ASTN2: variants seen among roughly 807,000 people sequenced by gnomAD.
The protein encoded by ASTN2 is astrotactin 2.
ASTN2 carries 54 observed loss-of-function variants against 139.8 expected under a neutral mutation model. The ratio of observed to expected loss-of-function variants is 0.39; its 90% CI spans 0.31 to 0.48. The LOEUF (loss-of-function observed/expected upper bound fraction) is 0.48. ASTN2 is among the 20% of genes least tolerant of loss of function. ASTN2 has a pLI of 0.95. For synonymous variants in ASTN2, 756 were observed against 719.5 expected (o/e 1.05, Z -0.81); for missense variants, 1,565 against 1,725.1 (o/e 0.91, Z 1.64).
chr9:116,908,140 T>C (rs1834215711), intron 10 of ASTN2, among the ~76,000 whole-genome samples: 1 of 152,208 alleles, frequency 6.6e-6, no homozygotes, highest in South Asian at 2.1e-4. Flanking sequence ...TGGGTTGTGG[T>C]CCAAATTCTT....
chr9:116,986,688 C>T (rs141138499), intron 7 of ASTN2, among the ~76,000 whole-genome samples: 4 of 152,276 alleles, frequency 2.6e-5, no homozygotes, highest in South Asian at 2.1e-4. Flanking sequence ...ATCTTGCAGA[C>T]GAGCAGACAG....
At chr9:116,945,397 G>C (rs1297658952) in intron 10 of ASTN2, among the ~76,000 whole-genome samples, 25 of 152,146 alleles carry the variant, frequency 1.6e-4, no homozygotes, top group Admixed American at 1.6e-3. Context: ...ATGTCAGGCA[G>C]CCAGTGAGAA....
At chr9:117,059,291 A>G (rs746801209) in intron 5 of ASTN2, among the ~76,000 whole-genome samples, 2 of 152,216 alleles carry the variant, frequency 1.3e-5, no homozygotes, top group Non-Finnish European at 1.5e-5. Context: ...TCAACAGGTC[A>G]TCTTACTGCC....
intron 4 of ASTN2, among the ~76,000 whole-genome samples, chr9:117,107,377 G>T (rs916237376): frequency 2.6e-5 from 4 of 151,958 alleles, no homozygotes; most frequent in African/African-American, 4.8e-5. Context: ...AAGGTTTTTT[G>T]ATCTATATTG....
At chr9:117,254,085 T>C (rs1487591397) in intron 2 of ASTN2, among the ~76,000 whole-genome samples, 5 of 152,148 alleles carry the variant, frequency 3.3e-5, no homozygotes, top group Non-Finnish European at 7.4e-5. Context: ...TTGCTTTTAC[T>C]GAGATTTACT....
rs1016406020 is a variant in ASTN2 at position 116,850,180 on chromosome 9, C to T, written c.2040+13403G>A. On this transcript the variant is annotated intron_variant, in intron 11 of 22. Transcript: ENST00000313400. ...AGCAAGGCCAGCAAGGCACTAACCA[C>T]CCAGTCCAGGGCAGGGCCCTTCAAG... Among the ~76,000 whole-genome samples, 4 of 152,280 alleles carry T rather than the reference C, an allele frequency of 2.6e-5. 1 individual carries two copies. The South Asian group carries it at 8.3e-4, about 32-fold the overall frequency.
At chr9:117,318,614 T>G (rs1337910602) in intron 1 of ASTN2, among the ~76,000 whole-genome samples, 1 of 152,154 alleles carries the variant, frequency 6.6e-6, no homozygotes, top group Non-Finnish European at 1.5e-5. Flanking sequence ...CTTTCCTGTT[T>G]GCCCAGCTTG....
intron 19 of ASTN2, among the ~76,000 whole-genome samples, chr9:116,570,677 G>A (rs550840975): frequency 6.6e-6 from 1 of 152,300 alleles, no homozygotes; most frequent in South Asian, 2.1e-4. Context: ...GATTACAGGC[G>A]TGAGCCACCG....
At chr9:116,724,544 C>T (rs1236721487) in intron 16 of ASTN2, among the ~76,000 whole-genome samples, 2 of 152,026 alleles carry the variant, frequency 1.3e-5, no homozygotes, top group Admixed American at 1.3e-4. Context: ...TAGAGCACCC[C>T]ACTTGGTCTT....
Position 116,438,868 on chromosome 9 carries a change from T to C in ASTN2, c.3782+1741A>G, listed in dbSNP as rs1429471184. 3.3e-5 allele frequency among the ~76,000 whole-genome samples: 5 copies of C among 152,122 alleles called. No individual in the cohort carries two copies. The South Asian group carries it at 1.0e-3, about 32-fold the overall frequency. ...GGGAGGCTGAGGCAGGAGAATCGCTTGAACTCACGAGGCGGAGGTTGCAGT... is the reference window on the plus strand; with the variant it reads ...GGGAGGCTGAGGCAGGAGAATCGCTCGAACTCACGAGGCGGAGGTTGCAGT... On this transcript the variant is annotated intron_variant, in intron 22 of 22. Transcript: ENST00000313400.
intron 10 of ASTN2, among the ~76,000 whole-genome samples, chr9:116,890,808 G>A (rs552860051): frequency 6.6e-6 from 1 of 152,136 alleles, no homozygotes; most frequent in Non-Finnish European, 1.5e-5. Flanking sequence ...TAAGTGGCAG[G>A]GGGGTGGAGC....
intron 1 of ASTN2, among the ~76,000 whole-genome samples, chr9:117,391,366 T>C (rs1588006387): frequency 6.6e-6 from 1 of 152,156 alleles, no homozygotes; most frequent in Non-Finnish European, 1.5e-5. Context: ...ACATGGCTGG[T>C]GAGGCCTCAC....
chr9:116,791,039 G>GA (rs11386508), intron 13 of ASTN2, among the ~76,000 whole-genome samples: 3,938 of 80,418 alleles, frequency 0.049, 85 homozygotes, highest in East Asian at 0.22. Flanking sequence ...AAGAAAGAAA[G>GA]AAAGAAAAGA....
chr9:116,580,212 C>T (rs1277161592), intron 19 of ASTN2, among the ~76,000 whole-genome samples: 1 of 152,188 alleles, frequency 6.6e-6, no homozygotes, highest in African/African-American at 2.4e-5. Context: ...AGAGGAAATA[C>T]ACTGGATTAG....
intron 22 of ASTN2, among the ~76,000 whole-genome samples, chr9:116,427,170 A>T (rs558470672): frequency 6.6e-6 from 1 of 152,144 alleles, no homozygotes; most frequent in Non-Finnish European, 1.5e-5. Context: ...TGTTGTGGGA[A>T]CAATCCTATA....
chr9:116,837,978 G>A (rs1245036968), intron 11 of ASTN2, among the ~76,000 whole-genome samples: 4 of 152,150 alleles, frequency 2.6e-5, no homozygotes, highest in Non-Finnish European at 5.9e-5. Flanking sequence ...TTGTCCTTCT[G>A]GAAGGTAAGG....
At chr9:116,584,217 G>C (rs956049209) in intron 19 of ASTN2, 1 of 152,202 alleles carries the variant, frequency 6.6e-6, no homozygotes, top group African/African-American at 2.4e-5. Flanking sequence ...TGAGTGATGT[G>C]TCTCCCCAGA....
intron 11 of ASTN2, among the ~76,000 whole-genome samples, chr9:116,863,054 C>T (rs1832930930): frequency 6.6e-6 from 1 of 152,210 alleles, no homozygotes; most frequent in East Asian, 1.9e-4. Flanking sequence ...CTCTCCCTTC[C>T]TTCATGTCTT....
At chr9:116,963,439 C>T (rs1564362163) in intron 10 of ASTN2, among the ~76,000 whole-genome samples, 1 of 152,072 alleles carries the variant, frequency 6.6e-6, no homozygotes, top group Non-Finnish European at 1.5e-5. Context: ...CTGGCTGAAA[C>T]AGTATGAATT....
Sources: gnomAD v4.1 joint callset for allele counts (sites outside exome capture counted in the v4.1 genomes callset) on GRCh38, gnomAD v4.1.1 for gene constraint, MANE v1.5 for transcripts, NCBI Gene and HGNC (gene_info 2026-07-23, HGNC 2026-07-21) for gene names.